The following ULK4 variants were observed in gnomAD, a reference collection of about 807,000 sequenced individuals.
ULK4 encodes the protein unc-51 like kinase 4.
Under a neutral mutation model 160.6 loss-of-function variants are expected in ULK4, and 133 were observed. The ratio of observed to expected loss-of-function variants is 0.83; its 90% CI spans 0.72 to 0.96. ULK4 has a LOEUF of 0.96. Ranked by LOEUF, ULK4 falls within the 40% of genes least tolerant of loss-of-function variation. The pLI is 0.00. For missense variants in ULK4, 1,580 were observed against 1,499.5 expected, an observed-to-expected ratio of 1.05 and a Z score of -0.89; for synonymous variants, 534 against 539.8, an observed-to-expected ratio of 0.99 and a Z score of 0.15.
intron 17 of ULK4, among the ~76,000 whole-genome samples, chr3:41,842,232 G>A (rs1414607427): frequency 6.8e-6 from 1 of 146,642 alleles, no homozygotes; most frequent in African/African-American, 2.5e-5. Context: ...CTTGAGTCCC[G>A]AAGTTCAAGG....
chr3:41,727,329 T>C (rs2125859951), intron 22 of ULK4, among the ~76,000 whole-genome samples: 1 of 152,330 alleles, frequency 6.6e-6, no homozygotes, highest in East Asian at 1.9e-4. Flanking sequence ...ATTTTTCTAG[T>C]TGATGTAGAT....
chr3:41,451,121 G>A (rs944361460), intron 34 of ULK4, among the ~76,000 whole-genome samples: 1 of 152,090 alleles, frequency 6.6e-6, no homozygotes, highest in Non-Finnish European at 1.5e-5. Context: ...CAGAATTCCA[G>A]GAGAAAGGCG....
rs74693223 is a variant in ULK4, at chr3:41,698,602, G to T, written c.2781+6455C>A. ...AGCACTTCTGGTCCCAAGTGTTTCAGATAAGGGATAATCAACCTGTATATA... is the reference window on the plus strand; with the variant it reads ...AGCACTTCTGGTCCCAAGTGTTTCATATAAGGGATAATCAACCTGTATATA... On this transcript the variant is annotated intron_variant, in intron 27 of 36. Transcript: ENST00000301831. 5.4e-3 allele frequency among the ~76,000 whole-genome samples: 822 copies of T among 152,242 alleles called. 24 individuals carry two copies. In the East Asian group the frequency reaches 0.087, roughly 16 times the overall value.
At chr3:41,638,486 A>G (rs1272555013) in intron 30 of ULK4, among the ~76,000 whole-genome samples, 1 of 152,224 alleles carries the variant, frequency 6.6e-6, no homozygotes. Context: ...CATTGGCATC[A>G]CTGAAGAACC....
At chr3:41,539,755 A>G (rs1244643427) in intron 32 of ULK4, among the ~76,000 whole-genome samples, 2 of 152,084 alleles carry the variant, frequency 1.3e-5, no homozygotes, top group Non-Finnish European at 1.5e-5. Context: ...TTACAGACAA[A>G]TCCTTCCATG....
chr3:41,677,396 A>G (rs547069580), intron 29 of ULK4, among the ~76,000 whole-genome samples: 2 of 151,460 alleles, frequency 1.3e-5, no homozygotes, highest in East Asian at 3.9e-4. Context: ...CAGTGGCACA[A>G]TCTTGGCTCA....
At chr3:41,497,398 G>A (rs573922849) in intron 32 of ULK4, among the ~76,000 whole-genome samples, 1 of 151,798 alleles carries the variant, frequency 6.6e-6, no homozygotes, top group Non-Finnish European at 1.5e-5. Flanking sequence ...ATAGACTAAT[G>A]TATATAATAT....
At chr3:41,466,559 G>T (rs908657674) in intron 32 of ULK4, among the ~76,000 whole-genome samples, 1 of 152,096 alleles carries the variant, frequency 6.6e-6, no homozygotes, top group Non-Finnish European at 1.5e-5. Flanking sequence ...AAATTAAAAA[G>T]GTTCTAGGAG....
At chr3:41,933,083 T>C (rs1699649571) in intron 4 of ULK4, among the ~76,000 whole-genome samples, 1 of 152,172 alleles carries the variant, frequency 6.6e-6, no homozygotes, top group Admixed American at 6.5e-5. Context: ...AGTTAACTCT[T>C]AACTTCTAGT....
At chr3:41,932,531 T>C (rs1699635689) in intron 4 of ULK4, among the ~76,000 whole-genome samples, 1 of 152,190 alleles carries the variant, frequency 6.6e-6, no homozygotes, top group South Asian at 2.1e-4. Flanking sequence ...TACCTAACTC[T>C]TCAGACTGCT....
At chr3:41,325,934 A>G (rs935478414) in intron 35 of ULK4, among the ~76,000 whole-genome samples, 1 of 151,910 alleles carries the variant, frequency 6.6e-6, no homozygotes, top group African/African-American at 2.4e-5. Flanking sequence ...AAATAAATAA[A>G]TAAGTAATAG....
At chr3:41,736,056 G>A (rs2038034808) in intron 22 of ULK4, among the ~76,000 whole-genome samples, 1 of 151,620 alleles carries the variant, frequency 6.6e-6, no homozygotes, top group Non-Finnish European at 1.5e-5. Context: ...ATTCCATGGT[G>A]TATATGTGCC....
intron 32 of ULK4, among the ~76,000 whole-genome samples, chr3:41,508,070 C>A (rs891590577): frequency 1.3e-5 from 2 of 152,232 alleles, no homozygotes; most frequent in African/African-American, 4.8e-5. Context: ...GGCTCCTCTA[C>A]TAGAGTCGGT....
At chr3:41,911,714 T>C (rs200833700) in intron 9 of ULK4, 55 bp from the exon 10 acceptor site, 94 of 1,306,670 alleles carry the variant, frequency 7.2e-5, no homozygotes, top group Non-Finnish European at 9.7e-5. Context: ...CTCTATAGTT[T>C]TATGTTAGAG....
At chr3:41,317,987 A>G (rs2080177599) in intron 35 of ULK4, among the ~76,000 whole-genome samples, 1 of 152,212 alleles carries the variant, frequency 6.6e-6, no homozygotes, top group Non-Finnish European at 1.5e-5. Flanking sequence ...TCCTCTTGGC[A>G]GTGCCATTTC....
chr3:41,880,158 A>G (rs765021816), intron 17 of ULK4, among the ~76,000 whole-genome samples: 1 of 152,196 alleles, frequency 6.6e-6, no homozygotes, highest in Non-Finnish European at 1.5e-5. Flanking sequence ...TGATGGGTCT[A>G]TATTAAATTT....
intron 27 of ULK4, among the ~76,000 whole-genome samples, chr3:41,692,438 T>A (rs1214812583): frequency 2.0e-5 from 3 of 151,804 alleles, no homozygotes; most frequent in Admixed American, 6.6e-5. Context: ...GCTGTGGAGT[T>A]GGATAATTTG....
intron 32 of ULK4, among the ~76,000 whole-genome samples, chr3:41,472,038 A>C (rs746205740): frequency 4.6e-5 from 7 of 152,008 alleles, no homozygotes; most frequent in South Asian, 2.1e-4. Context: ...AAGCAATACT[A>C]AAATAAACTA....
At chr3:41,403,464 A>G (rs1287908656) in intron 34 of ULK4, among the ~76,000 whole-genome samples, 2 of 152,066 alleles carry the variant, frequency 1.3e-5, no homozygotes, top group African/African-American at 4.8e-5. Context: ...CCTTATATTG[A>G]TAATTTCTGT....
Sources: gnomAD v4.1 joint callset for allele counts (sites outside exome capture counted in the v4.1 genomes callset) on GRCh38, gnomAD v4.1.1 for gene constraint, MANE v1.5 for transcripts, NCBI Gene and HGNC (gene_info 2026-07-23, HGNC 2026-07-21) for gene names.